Variants in CNTROB observed in about 807,000 individuals in gnomAD.
CNTROB encodes centrobin.
Under a neutral mutation model 115.7 loss-of-function variants are expected in CNTROB, and 82 were observed. The ratio of observed to expected loss-of-function variants is 0.71; its 90% CI spans 0.59 to 0.85. The LOEUF is 0.85. Ranked by LOEUF, CNTROB falls within the 40% of genes least tolerant of loss-of-function variation. The pLI, the probability that CNTROB is intolerant of heterozygous loss-of-function variation, is 0.00. For synonymous variants in CNTROB, 439 were observed against 456.4 expected, an observed-to-expected ratio of 0.96 and a Z score of 0.49; for missense variants, 1,014 against 1,144.4, an observed-to-expected ratio of 0.89 and a Z score of 1.64.
At position 7,944,710 on chromosome 17, in the gene CNTROB, C is replaced by T. The variant is rs1974317691; in HGVS notation, c.1734+72C>T. Reference sequence around the variant, plus strand: ...TATTTTTATTTTTGAGACAGGGTCTCACTCTTGCCCAGGCTGGAGTGTACT... The same window carrying T: ...TATTTTTATTTTTGAGACAGGGTCTTACTCTTGCCCAGGCTGGAGTGTACT... On this transcript the variant is annotated intron_variant, in intron 12 of 18. Coordinates refer to ENST00000563694, the MANE Select transcript of CNTROB (RefSeq NM_053051.5). The surrounding 1 kb of genome is among the most constrained non-coding windows in gnomAD (Gnocchi z 4.0). 6.6e-7 allele frequency: 1 copy of T among 1,525,176 alleles called. No homozygotes were observed. Among genetic ancestry groups the T allele is most frequent in the Non-Finnish European group, 8.8e-7 (1 of 1,131,866 alleles). 94.5% of individuals were successfully genotyped at this position (1,525,176 alleles called of 1,614,324 possible). A position where few individuals can be genotyped will look rare whatever the true frequency, so the allele number is the denominator to read the frequency against.
Position 7,948,815 on chromosome 17 carries a change from CTTCT to C in CNTROB, c.2513+197_2513+200del. 1 of 1,469,892 alleles carries C rather than the reference CTTCT, an allele frequency of 6.8e-7. No individual in the cohort carries two copies. Among genetic ancestry groups the C allele is most frequent in the Admixed American group, 2.7e-5 (1 of 37,596 alleles). The allele number at this position is 1,469,892 out of a possible 1,614,324, so 91.1% of individuals were successfully genotyped here. A position where few individuals can be genotyped will look rare whatever the true frequency, so the allele number is the denominator to read the frequency against. The stretch of plus-strand genomic sequence containing the variant: ...ATCTCCTCCTTTCTATTGCTTTTTT[CTTCT>C]AAACAAAAAAATCTTTTCCCCGGGT... On this transcript the variant is annotated intron_variant, in intron 17 of 18. Coordinates refer to ENST00000563694, the MANE Select transcript of CNTROB (RefSeq NM_053051.5). The surrounding 1 kb of genome is among the most constrained non-coding windows in gnomAD (Gnocchi z 4.4).
At chr17:7,942,292 C>T (rs1026746626) in intron 9 of CNTROB, among the ~76,000 whole-genome samples, 1 of 151,912 alleles carries the variant, frequency 6.6e-6, no homozygotes, top group African/African-American at 2.4e-5. Flanking sequence ...GAAATAACCA[C>T]TATTTGGATT....
At position 7,939,985 on chromosome 17, in the gene CNTROB, A is replaced by G; in HGVS notation, c.1165-111A>G. The G allele has an allele frequency of 7.7e-7, 1 of 1,302,954 alleles. No homozygotes were observed. Among genetic ancestry groups the G allele is most frequent in the Non-Finnish European group, 1.1e-6 (1 of 951,928 alleles). 80.7% of individuals were successfully genotyped at this position (1,302,954 alleles called of 1,614,324 possible). On this transcript the variant is annotated intron_variant, in intron 8 of 18. Transcript: ENST00000563694. The surrounding 1 kb of genome is among the most constrained non-coding windows in gnomAD (Gnocchi z 4.4). ...GGGATGGGGAAATAAAACAAATGGG[A>G]GGAGCTGGGGGAAGCTTGGATTTTA... is the stretch of plus-strand genomic sequence containing the variant.
chr17:7,933,020 C>T lies in CNTROB; in HGVS notation c.-60C>T. 6.4e-7 allele frequency: 1 copy of T among 1,560,552 alleles called. No individual in the cohort carries two copies. The highest frequency in any genetic ancestry group is 1.2e-5 in the South Asian group (1 of 84,668). ...TTCTCCGTGAACTTTTCCTCCTGGA[C>T]TTTGCTAAAGCAGAACCTCCCAGCT... On this transcript the variant is annotated 5_prime_UTR_variant, in exon 1 of 19. Coordinates refer to ENST00000563694, the MANE Select transcript of CNTROB (RefSeq NM_053051.5).
intron 9 of CNTROB, among the ~76,000 whole-genome samples, chr17:7,942,596 CAAAAAAAAAAA>C (rs377086554): frequency 3.5e-5 from 2 of 56,482 alleles, no homozygotes; most frequent in African/African-American, 7.8e-5. Context: ...GACTCCATCT[CAAAAAAAAAAA>C]AAAAAAAAAA....
At chr17:7,940,346 G>A in intron 9 of CNTROB, 104 bp downstream of exon 9, 1 of 1,125,886 alleles carries the variant, frequency 8.9e-7, no homozygotes, top group Non-Finnish European at 1.2e-6. Context: ...CAGGTGTTTG[G>A]GGTTTAATTC....
chr17:7,945,397 TA>T (rs1244016995), intron 12 of CNTROB: 1 of 162,084 alleles, frequency 6.2e-6, no homozygotes, highest in African/African-American at 2.4e-5. Flanking sequence ...TTTATTTATA[TA>T]CTTATCATTT....
chr17:7,947,091 G>A (rs1449480289), intron 13 of CNTROB, among the ~76,000 whole-genome samples: 5 of 151,578 alleles, frequency 3.3e-5, no homozygotes, highest in African/African-American at 9.7e-5. Flanking sequence ...AACCCGGGAG[G>A]CGGAGCTTGC....
At chr17:7,934,314 G>T (rs1598056672) in intron 2 of CNTROB, 92 bp downstream of exon 2, 2 of 1,400,690 alleles carry the variant, frequency 1.4e-6, no homozygotes, top group Non-Finnish European at 2.0e-6. Flanking sequence ...GAAAACCTCT[G>T]AGCAAGAGAT....
chr17:7,942,360 G>A (rs1973973925), intron 9 of CNTROB, among the ~76,000 whole-genome samples: 1 of 152,104 alleles, frequency 6.6e-6, no homozygotes, highest in African/African-American at 2.4e-5. Flanking sequence ...CTCTTTGGGA[G>A]ACTGAGGCGG....
Position 7,939,674 on chromosome 17 carries a change from C to T in CNTROB, c.1089C>T (p.Ala363=). ...TAGAAGAAGAACGGCAGACCTGGGC[C>T]CAGCAAGAGCACCAGCTTAAGGAAC... is the stretch of plus-strand genomic sequence containing the variant. ...AALEEERQTW[A]QQEHQLKEHY... The change falls in exon 8 of 19, where the codon GCC becomes GCT. Residue 363 remains alanine, a synonymous_variant. Coordinates refer to ENST00000563694, the MANE Select transcript of CNTROB (RefSeq NM_053051.5). This position sits in a 1 kb window ranked among gnomAD's most constrained non-coding sequence, Gnocchi z 4.4. 6.2e-7 allele frequency: 1 copy of T among 1,613,994 alleles called. No individual in the cohort carries two copies. The highest frequency in any genetic ancestry group is 1.1e-5 in the South Asian group (1 of 91,080).
chr17:7,945,793 G>A lies in CNTROB; in HGVS notation c.1800G>A (p.Trp600Ter), dbSNP rs780307478. Residue 600 changes from tryptophan (W) to a stop codon, truncating the protein, a stop_gained, in exon 13 of 19, where the codon TGG (tryptophan) becomes TGA (stop). Coordinates refer to ENST00000563694, the MANE Select transcript of CNTROB (RefSeq NM_053051.5). LOFTEE classifies it high-confidence loss of function. Reference sequence around the variant, plus strand: ...CCGAGAAGGAGGAGAGGAGGGTCTGGACTATGCCTCCCATGGCCGTGGCCC... The same window carrying A: ...CCGAGAAGGAGGAGAGGAGGGTCTGAACTATGCCTCCCATGGCCGTGGCCC... ...QEPEKEERRV[W>*]TMPPMAVALK... The A allele has an allele frequency of 1.2e-6, 2 of 1,614,094 alleles. No homozygotes were observed. The highest frequency in any genetic ancestry group is 1.7e-6 in the Non-Finnish European group (2 of 1,180,024).
chr17:7,935,279 G>A (rs552174580), intron 4 of CNTROB, 134 bp downstream of exon 4: 18 of 1,331,068 alleles, frequency 1.4e-5, no homozygotes, highest in East Asian at 7.4e-5. Context: ...TGAGGCAGGC[G>A]GATCACGAGG....
In CNTROB at chr17:7,943,606, T is replaced by C; in HGVS notation, c.1445+82T>C. The C allele has an allele frequency of 6.8e-7, 1 of 1,462,130 alleles. No homozygotes were observed. Among genetic ancestry groups the C allele is most frequent in the East Asian group, 2.3e-5 (1 of 42,616 alleles). 90.6% of individuals were successfully genotyped at this position (1,462,130 alleles called of 1,614,324 possible). On this transcript the variant is annotated intron_variant, in intron 10 of 18. Coordinates refer to ENST00000563694, the MANE Select transcript of CNTROB (RefSeq NM_053051.5). The surrounding 1 kb of genome is among the most constrained non-coding windows in gnomAD (Gnocchi z 4.7). ...CAGGCCTGTGTTCCCTTCAATCCCT[T>C]TGCCATGGTCCAGCACTGTGACTCC...
chr17:7,933,291 T>G lies in CNTROB; in HGVS notation c.212T>G (p.Phe71Cys), dbSNP rs143176503. 10 of 1,614,176 alleles carry G rather than the reference T, an allele frequency of 6.2e-6. No individual in the cohort carries two copies. Among genetic ancestry groups the G allele is most frequent in the Non-Finnish European group, 8.5e-6 (10 of 1,180,026 alleles). The change falls in exon 1 of 19, where the codon TTC becomes TGC. Residue 71 changes from phenylalanine to cysteine, a missense_variant. Phe to Cys is a radical substitution (Grantham distance 205). Transcript: ENST00000563694. ...CCGCCTCATGAAGGGTTAGACGGCT[T>G]CGCCCAAGAATTGAGTCGAAGCTTG... Reference protein sequence around the residue: ...TSPPHEGLDGFAQELSRSLSV... With the variant: ...TSPPHEGLDGCAQELSRSLSV...
rs574646618 is a variant in CNTROB at position 7,945,852 on chromosome 17, G to C, written c.1859G>C (p.Arg620Thr). The C allele has an allele frequency of 1.2e-6, 2 of 1,614,090 alleles. No individual in the cohort carries two copies. The highest frequency in any genetic ancestry group is 2.7e-5 in the African/African-American group (2 of 74,924). The change falls in exon 13 of 19, where the codon AGG becomes ACG. Residue 620 changes from arginine (R) to threonine (T), a missense_variant. Transcript: ENST00000563694. ...GTATTGCAGCAGAGCCGGGAAGCAA[G>C]GGACGAGCTACCTGGAGCGCCTCCT... ...KPVLQQSREA[R>T]DELPGAPPVL...
Position 7,943,600 on chromosome 17 carries a change from A to G in CNTROB, c.1445+76A>G. 2 of 1,486,356 alleles carry G rather than the reference A, an allele frequency of 1.3e-6. No homozygotes were observed. Among genetic ancestry groups the G allele is most frequent in the Non-Finnish European group, 1.8e-6 (2 of 1,094,434 alleles). 92.1% of individuals were successfully genotyped at this position (1,486,356 alleles called of 1,614,324 possible). ...TAGTGCCAGGCCTGTGTTCCCTTCAATCCCTTTGCCATGGTCCAGCACTGT... is the reference window on the plus strand; with the variant it reads ...TAGTGCCAGGCCTGTGTTCCCTTCAGTCCCTTTGCCATGGTCCAGCACTGT... On this transcript the variant is annotated intron_variant, in intron 10 of 18. Transcript: ENST00000563694. The surrounding 1 kb of genome is among the most constrained non-coding windows in gnomAD (Gnocchi z 4.7).
Position 7,944,741 on chromosome 17 carries a change from G to C in CNTROB, c.1734+103G>C, listed in dbSNP as rs1029151840. The C allele has an allele frequency of 7.5e-7, 1 of 1,337,356 alleles. No individual in the cohort carries two copies. Among genetic ancestry groups the C allele is most frequent in the African/African-American group, 1.5e-5 (1 of 68,134 alleles). The allele number at this position is 1,337,356 out of a possible 1,614,324, so 82.8% of individuals were successfully genotyped here. ...TGCCCAGGCTGGAGTGTACTGGTGA[G>C]ATCATAGCTCATTGCAGCCTCGAAC... On this transcript the variant is annotated intron_variant, in intron 12 of 18. Transcript: ENST00000563694. The surrounding 1 kb of genome is among the most constrained non-coding windows in gnomAD (Gnocchi z 4.0).
chr17:7,934,466 G>A lies in CNTROB; in HGVS notation c.357G>A (p.Arg119=). 5 of 1,614,066 alleles carry A rather than the reference G, an allele frequency of 3.1e-6. No homozygotes were observed. Among genetic ancestry groups the A allele is most frequent in the Non-Finnish European group, 4.2e-6 (5 of 1,179,962 alleles). The stretch of plus-strand genomic sequence containing the variant: ...TGGGGTCCCTCTGGCTGCCTGCAGG[G>A]GATCCTCTCATTCCTGGCGCTGGCT... ...MLQTSRDTAY[R]DPLIPGAGSE... The change falls in exon 3 of 19, where the codon CGG becomes CGA. Residue 119 remains arginine, a splice_region_variant and synonymous_variant. Coordinates refer to ENST00000563694, the MANE Select transcript of CNTROB (RefSeq NM_053051.5).
Sources: gnomAD v4.1 joint callset for allele counts (sites outside exome capture counted in the v4.1 genomes callset) on GRCh38, gnomAD v4.1.1 for gene constraint, Gnocchi (gnomAD v3.1) non-coding constraint, MANE v1.5 for transcripts, NCBI Gene and HGNC (gene_info 2026-07-23, HGNC 2026-07-21) for gene names.